Variants in CASKIN2 observed in about 807,000 individuals in gnomAD.
The protein encoded by CASKIN2 is caskin-2.
CASKIN2 carries 41 observed loss-of-function variants against 107.1 expected under a neutral mutation model. The observed-to-expected ratio is 0.38, with a 90% CI of 0.30 to 0.50. CASKIN2 has a LOEUF of 0.50. CASKIN2 is among the 20% of genes least tolerant of loss of function. The pLI, the probability that CASKIN2 is intolerant of heterozygous loss-of-function variation, is 0.92. For missense variants in CASKIN2, 1,546 were observed against 1,657.4 expected, an observed-to-expected ratio of 0.93 and a Z score of 1.17; for synonymous variants, 724 against 705.6, an observed-to-expected ratio of 1.03 and a Z score of -0.41.
rs567302317 is a variant in CASKIN2 at position 75,502,898 on chromosome 17, G to C, written c.2176C>G (p.Pro726Ala). 3.2e-6 allele frequency: 5 copies of C among 1,546,960 alleles called. No homozygotes were observed. The highest frequency in any genetic ancestry group is 2.7e-5 in the African/African-American group (2 of 73,240). ...TCTGGGAGGTTCCTCTCCTGGGGGG[G>C]GCTGGGATCTCCACCGCTGGGCTGT... ...APQPSGGDPSPPQERNLPEGT... is the reference protein window; with the variant it reads ...APQPSGGDPSAPQERNLPEGT... Residue 726 changes from proline (P) to alanine (A), a missense_variant, in exon 18 of 20, where the codon CCC (proline) becomes GCC (alanine). Pro to Ala is a conservative substitution (Grantham distance 27, BLOSUM62 -1). Coordinates refer to ENST00000321617, the MANE Select transcript of CASKIN2 (RefSeq NM_020753.5). The surrounding 1 kb of genome is among the most constrained non-coding windows in gnomAD (Gnocchi z 4.3).
rs780409599 is a variant in CASKIN2, at chr17:75,505,429, C to T, written c.930+128G>A. On this transcript the variant is annotated intron_variant, in intron 10 of 19. Transcript: ENST00000321617. The surrounding 1 kb of genome is among the most constrained non-coding windows in gnomAD (Gnocchi z 5.1). ...ATGCTAACAGCACTGCCTTCCCTGG[C>T]TTTAAGAAGAATTAAATGAGGGTGC... The T allele has an allele frequency of 2.0e-4, 169 of 846,020 alleles. No individual in the cohort carries two copies. The highest frequency in any genetic ancestry group is 3.0e-4 in the Non-Finnish European group (153 of 513,814). 52.4% of individuals were successfully genotyped at this position (846,020 alleles called of 1,614,324 possible). A position where few individuals can be genotyped will look rare whatever the true frequency, so the allele number is the denominator to read the frequency against.
Position 75,501,178 on chromosome 17 carries a change from A to T in CASKIN2, c.3519-8T>A. 6.3e-7 allele frequency: 1 copy of T among 1,577,990 alleles called. No individual in the cohort carries two copies. The highest frequency in any genetic ancestry group is 1.3e-5 in the African/African-American group (1 of 74,314). On this transcript the variant is annotated splice_polypyrimidine_tract_variant and splice_region_variant and intron_variant, in intron 19 of 19. Coordinates refer to ENST00000321617, the MANE Select transcript of CASKIN2 (RefSeq NM_020753.5). ...GTGGAGGCGCTGGGGGTGCTGCAGC[A>T]AGGGGAAGGATGCGGTCAGATCAGC...
Position 75,501,048 on chromosome 17 carries a change from T to C in CASKIN2, c.*32A>G. 1 of 1,547,120 alleles carries C rather than the reference T, an allele frequency of 6.5e-7. No homozygotes were observed. Among genetic ancestry groups the C allele is most frequent in the South Asian group, 1.2e-5 (1 of 84,134 alleles). On this transcript the variant is annotated 3_prime_UTR_variant, in exon 20 of 20. Coordinates refer to ENST00000321617, the MANE Select transcript of CASKIN2 (RefSeq NM_020753.5). ...TGTGCTGGGGCAAAGGCAGTGGACTTCGGCAGGTCACAGTGGGCACTGCTG... is the reference window on the plus strand; with the variant it reads ...TGTGCTGGGGCAAAGGCAGTGGACTCCGGCAGGTCACAGTGGGCACTGCTG...
rs1270143460 is a variant in CASKIN2 at position 75,511,163 on chromosome 17, C to T, written c.94+2548G>A. Among the ~76,000 whole-genome samples, 3 of 149,568 alleles carry T rather than the reference C, an allele frequency of 2.0e-5. No homozygotes were observed. In the Admixed American group the frequency reaches 2.0e-4, roughly 10 times the overall value. The stretch of plus-strand genomic sequence containing the variant: ...GCAACCTCTGCCTCCCAGGTTCAAG[C>T]GATCCTCCTGCCTCATCCTCCTGAG... On this transcript the variant is annotated intron_variant, in intron 2 of 19. Coordinates refer to ENST00000321617, the MANE Select transcript of CASKIN2 (RefSeq NM_020753.5).
At chr17:75,508,362 G>T in intron 2 of CASKIN2, 77 bp from the exon 3 acceptor site, 1 of 1,508,154 alleles carries the variant, frequency 6.6e-7, no homozygotes, top group Non-Finnish European at 9.1e-7. Flanking sequence ...ACCTGTCACA[G>T]CCCGGCTGAC....
chr17:75,514,381 T>C (rs1463195718), intron 1 of CASKIN2, among the ~76,000 whole-genome samples, 173 bp from the exon 2 acceptor site: 4 of 150,666 alleles, frequency 2.7e-5, no homozygotes, highest in South Asian at 2.1e-4. Flanking sequence ...GAAGCTGCTA[T>C]GCATGAGAGG....
chr17:75,514,147 C>T lies in CASKIN2; in HGVS notation c.-343G>A. ...CTTGGCTGTGGAACACCAGTGCCCA[C>T]CCAGAGAGCAGCCAGCATTCCCTTG... is the stretch of plus-strand genomic sequence containing the variant. On this transcript the variant is annotated 5_prime_UTR_variant, in exon 2 of 20. In the 5' UTR this introduces an upstream ATG that the reference lacks. Transcript: ENST00000321617. 1 of 524,706 alleles carries T rather than the reference C, an allele frequency of 1.9e-6. No individual in the cohort carries two copies. Among genetic ancestry groups the T allele is most frequent in the East Asian group, 3.0e-5 (1 of 33,726 alleles). The allele number at this position is 524,706 out of a possible 1,614,324, so 32.5% of individuals were successfully genotyped here.
chr17:75,506,276 C>T lies in CASKIN2; in HGVS notation c.726+29G>A. 3 of 1,569,098 alleles carry T rather than the reference C, an allele frequency of 1.9e-6. No individual in the cohort carries two copies. Among genetic ancestry groups the T allele is most frequent in the Non-Finnish European group, 2.6e-6 (3 of 1,144,058 alleles). On this transcript the variant is annotated intron_variant, in intron 8 of 19. Transcript: ENST00000321617. The surrounding 1 kb of genome is among the most constrained non-coding windows in gnomAD (Gnocchi z 4.8). ...GCACAGGGCAGAGGCTCCATGGACACCTGCGAGGGAGCAGGGGCCCATACC... is the reference window on the plus strand; with the variant it reads ...GCACAGGGCAGAGGCTCCATGGACATCTGCGAGGGAGCAGGGGCCCATACC...
In CASKIN2 at chr17:75,502,162, G is replaced by A. The variant is rs748806808; in HGVS notation, c.2912C>T (p.Pro971Leu). 8 of 1,601,480 alleles carry A rather than the reference G, an allele frequency of 5.0e-6. No homozygotes were observed. Among genetic ancestry groups the A allele is most frequent in the Non-Finnish European group, 5.9e-6 (7 of 1,179,658 alleles). Residue 971 changes from proline (P) to leucine (L), a missense_variant, in exon 18 of 20, where the codon CCC (proline) becomes CTC (leucine). This residue lies in a region of CASKIN2 where 1,311 missense variants were observed against 1,311.0 expected (regional missense o/e 1.00). Transcript: ENST00000321617. The surrounding 1 kb of genome is among the most constrained non-coding windows in gnomAD (Gnocchi z 4.3). Reference protein sequence around the residue: ...KQRPKPAGPPPRETPVPPGLD... With the variant: ...KQRPKPAGPPLRETPVPPGLD... ...GCCGGGGGGCACGGGTGTCTCTCGG[G>A]GCGGGGGGCCAGCGGGCTTCGGGCG...
Position 75,505,593 on chromosome 17 carries a change from G to A in CASKIN2, c.894C>T (p.Pro298=), listed in dbSNP as rs1245144890. ...ALKDFWNLHD[P]TALNVRAGDV... The stretch of plus-strand genomic sequence containing the variant: ...CCCCTGCCCGGACATTGAGAGCAGT[G>A]GGATCGTGGAGGTTCCAGAAATCCT... Residue 298 remains proline, a synonymous_variant, in exon 10 of 20, where the codon CCC becomes CCT. Transcript: ENST00000321617. This position sits in a 1 kb window ranked among gnomAD's most constrained non-coding sequence, Gnocchi z 5.1. The A allele has an allele frequency of 1.2e-6, 2 of 1,613,594 alleles. No homozygotes were observed. The highest frequency in any genetic ancestry group is 3.3e-5 in the Admixed American group (2 of 60,022).
Position 75,513,857 on chromosome 17 carries a change from AC to A in CASKIN2, c.-54del. ...CAGGAGTCCAGGGCAAAGGCAGGCA[AC>A]GGGTCCAAGCTGGGGCGTCAGGGCG... On this transcript the variant is annotated 5_prime_UTR_variant, in exon 2 of 20. Transcript: ENST00000321617. 6.4e-7 allele frequency: 1 copy of A among 1,557,736 alleles called. No homozygotes were observed. Among genetic ancestry groups the A allele is most frequent in the Non-Finnish European group, 8.8e-7 (1 of 1,133,738 alleles).
At chr17:75,508,019 C>G (rs899300963) in intron 3 of CASKIN2, among the ~76,000 whole-genome samples, 1 of 152,132 alleles carries the variant, frequency 6.6e-6, no homozygotes, top group Non-Finnish European at 1.5e-5. Context: ...GCACCAGGGC[C>G]CCTCCCCTCA....
rs568820575 is a variant in CASKIN2 at position 75,511,041 on chromosome 17, C to A, written c.94+2670G>T. On this transcript the variant is annotated intron_variant, in intron 2 of 19. Coordinates refer to ENST00000321617, the MANE Select transcript of CASKIN2 (RefSeq NM_020753.5). ...TCAAGGCTGGGCAACATAGCGAGACCCCATCTCTTTCCCTGTCCTTTTTTT... is the reference window on the plus strand; with the variant it reads ...TCAAGGCTGGGCAACATAGCGAGACACCATCTCTTTCCCTGTCCTTTTTTT... Among the ~76,000 whole-genome samples, 103 of 150,060 alleles carry A rather than the reference C, an allele frequency of 6.9e-4. 1 individual carries two copies. Among genetic ancestry groups the A allele is most frequent in the African/African-American group, 2.5e-3 (102 of 41,020 alleles).
chr17:75,504,969 G>A lies in CASKIN2; in HGVS notation c.1035C>T (p.Val345=). 2 of 1,612,200 alleles carry A rather than the reference G, an allele frequency of 1.2e-6. No individual in the cohort carries two copies. The highest frequency in any genetic ancestry group is 1.7e-6 in the Non-Finnish European group (2 of 1,179,650). ...GYFPPGIVEV[V]SKRVGIPAAR... ...CTGCAGGGATGCCCACCCGCTTGCTGACCACCTCGACAATGCCCGGGGGGA... is the reference window on the plus strand; with the variant it reads ...CTGCAGGGATGCCCACCCGCTTGCTAACCACCTCGACAATGCCCGGGGGGA... The change falls in exon 11 of 20, where the codon GTC becomes GTT. Residue 345 remains valine, a synonymous_variant. Coordinates refer to ENST00000321617, the MANE Select transcript of CASKIN2 (RefSeq NM_020753.5).
rs757737038 is a variant in CASKIN2 at position 75,505,085 on chromosome 17, G to A, written c.931-12C>T. 5 of 1,473,134 alleles carry A rather than the reference G, an allele frequency of 3.4e-6. No individual in the cohort carries two copies. Among genetic ancestry groups the A allele is most frequent in the South Asian group, 1.1e-5 (1 of 88,568 alleles). The allele number at this position is 1,473,134 out of a possible 1,614,324, so 91.3% of individuals were successfully genotyped here. ...TGCTGTTCTAGCACCTGCGGCCAGG[G>A]GTGGGGGGCGGGGACGGTCACTCCC... On this transcript the variant is annotated splice_polypyrimidine_tract_variant and intron_variant, in intron 10 of 19. Transcript: ENST00000321617. The surrounding 1 kb of genome is among the most constrained non-coding windows in gnomAD (Gnocchi z 5.1).
At chr17:75,501,265 G>A in intron 19 of CASKIN2, 95 bp from the exon 20 acceptor site, 1 of 1,299,770 alleles carries the variant, frequency 7.7e-7, no homozygotes, top group Non-Finnish European at 1.1e-6. Context: ...GAGGCTCAGG[G>A]AGGCAAGGGA....
chr17:75,507,360 G>A (rs1440392151), intron 4 of CASKIN2, among the ~76,000 whole-genome samples: 2 of 152,174 alleles, frequency 1.3e-5, no homozygotes, highest in Non-Finnish European at 2.9e-5. Flanking sequence ...ACAACACCTC[G>A]CTGAGCCTCA....
At chr17:75,504,040 C>T in intron 14 of CASKIN2, 78 bp from the exon 15 acceptor site, 2 of 1,361,702 alleles carry the variant, frequency 1.5e-6, no homozygotes, top group Non-Finnish European at 1.0e-6. Context: ...TCAGGACCTG[C>T]CTGAGCGGGG....
In CASKIN2 at chr17:75,506,011, T is replaced by C; in HGVS notation, c.727-82A>G. ...TTCTCTCAGCTACCCGGGACATAGG[T>C]ACTATTACCATTTTCCGATTTTACA... On this transcript the variant is annotated intron_variant, in intron 8 of 19. Transcript: ENST00000321617. The surrounding 1 kb of genome is among the most constrained non-coding windows in gnomAD (Gnocchi z 4.8). 2 of 1,223,908 alleles carry C rather than the reference T, an allele frequency of 1.6e-6. No homozygotes were observed. Among genetic ancestry groups the C allele is most frequent in the Non-Finnish European group, 2.3e-6 (2 of 859,228 alleles). The allele number at this position is 1,223,908 out of a possible 1,614,324, so 75.8% of individuals were successfully genotyped here.
Sources: gnomAD v4.1 joint callset for allele counts (sites outside exome capture counted in the v4.1 genomes callset) on GRCh38, gnomAD v4.1.1 for gene constraint, gnomAD v4.1.1 regional missense constraint, Gnocchi (gnomAD v3.1) non-coding constraint, MANE v1.5 for transcripts, NCBI Gene and HGNC (gene_info 2026-07-23, HGNC 2026-07-21) for gene names.